Variants in KCNH5 observed in about 807,000 individuals in gnomAD.
KCNH5 encodes the protein potassium voltage-gated channel subfamily H member 5, also known as voltage-gated delayed rectifier potassium channel KCNH5.
In KCNH5, 46 loss-of-function variants were observed where a neutral mutation model predicts 96.1. That is an observed-to-expected ratio of 0.48 (90% CI 0.38 to 0.61). The LOEUF is 0.61. Ranked by LOEUF, KCNH5 falls within the 20% of genes least tolerant of loss-of-function variation. The pLI, the probability that KCNH5 is intolerant of heterozygous loss-of-function variation, is 0.00. For missense variants in KCNH5, 907 were observed against 1,225.8 expected (o/e 0.74, Z 3.88); for synonymous variants, 439 against 449.8 (o/e 0.98, Z 0.30).
intron 4 of KCNH5, among the ~76,000 whole-genome samples, chr14:62,990,755 G>A (rs981996758): frequency 1.3e-4 from 20 of 152,166 alleles, no homozygotes; most frequent in African/African-American, 4.6e-4. Flanking sequence ...AACTGCCTGA[G>A]ACTGGGTAAC....
At chr14:62,917,635 G>C (rs1889301119) in intron 7 of KCNH5, among the ~76,000 whole-genome samples, 1 of 152,100 alleles carries the variant, frequency 6.6e-6, no homozygotes. Flanking sequence ...GATGAGAGAA[G>C]AGTTCATTCA....
chr14:62,905,946 A>C (rs1249209641), intron 7 of KCNH5, among the ~76,000 whole-genome samples: 1 of 152,062 alleles, frequency 6.6e-6, no homozygotes, highest in East Asian at 1.9e-4. Context: ...GCTGTCTCCT[A>C]CTCCCCACCC....
intron 9 of KCNH5, among the ~76,000 whole-genome samples, chr14:62,794,943 G>T (rs1886508809): frequency 6.6e-6 from 1 of 152,012 alleles, no homozygotes; most frequent in Non-Finnish European, 1.5e-5. Flanking sequence ...TTCTTATTAT[G>T]GTCAACAAGC....
intron 9 of KCNH5, among the ~76,000 whole-genome samples, chr14:62,799,221 G>A (rs531652244): frequency 2.2e-4 from 33 of 152,114 alleles, no homozygotes; most frequent in African/African-American, 6.3e-4. Flanking sequence ...TAGATAAAAC[G>A]CATGAATGAT....
At chr14:63,019,193 AAG>A (rs1373271075) in intron 1 of KCNH5, among the ~76,000 whole-genome samples, 4 of 152,074 alleles carry the variant, frequency 2.6e-5, no homozygotes, top group African/African-American at 9.7e-5. Context: ...AGTAAACCAC[AAG>A]AGAGATAAAC....
chr14:62,941,341 C>G (rs970436516), intron 7 of KCNH5, among the ~76,000 whole-genome samples: 7 of 152,044 alleles, frequency 4.6e-5, no homozygotes. Flanking sequence ...AACATTCCTG[C>G]AAAAGACACA....
chr14:62,763,356 G>C lies in KCNH5; in HGVS notation c.2019+16372C>G, dbSNP rs180794596. On this transcript the variant is annotated intron_variant, in intron 10 of 10. Transcript: ENST00000322893. Reference sequence around the variant, plus strand: ...ATTCTTTGAAAGTAACAAAAAAAAAGAGACAATATACCCGAATCTCACGCC... The same window carrying C: ...ATTCTTTGAAAGTAACAAAAAAAAACAGACAATATACCCGAATCTCACGCC... Among the ~76,000 whole-genome samples, 73 of 151,890 alleles carry C rather than the reference G, an allele frequency of 4.8e-4. 1 individual carries two copies. The highest frequency in any genetic ancestry group is 4.7e-3 in the Admixed American group (71 of 15,240).
chr14:62,762,543 AT>A, intron 10 of KCNH5, among the ~76,000 whole-genome samples: 3 of 152,292 alleles, frequency 2.0e-5, no homozygotes, highest in Admixed American at 6.5e-5. Flanking sequence ...TGGTGCATGC[AT>A]GTGCAAACCT....
intron 10 of KCNH5, among the ~76,000 whole-genome samples, chr14:62,738,650 A>C (rs571315712): frequency 6.6e-6 from 1 of 152,274 alleles, no homozygotes; most frequent in South Asian, 2.1e-4. Context: ...AGATCCTACA[A>C]TCATACTTAG....
chr14:62,859,262 G>A (rs368679225), intron 7 of KCNH5, among the ~76,000 whole-genome samples: 4 of 152,162 alleles, frequency 2.6e-5, no homozygotes, highest in African/African-American at 9.7e-5. Context: ...CTCTGTTGCT[G>A]GCAAATTGGA....
chr14:62,883,675 G>A (rs983311351), intron 7 of KCNH5, among the ~76,000 whole-genome samples: 1 of 152,070 alleles, frequency 6.6e-6, no homozygotes, highest in Admixed American at 6.5e-5. Flanking sequence ...GGAGTAGAAT[G>A]ATGGGATAAT....
chr14:62,775,127 C>A (rs1050443364), intron 10 of KCNH5, among the ~76,000 whole-genome samples: 13 of 152,170 alleles, frequency 8.5e-5, no homozygotes, highest in African/African-American at 3.1e-4. Flanking sequence ...ATGAAAATAT[C>A]CATTAATATA....
chr14:62,850,812 G>C (rs1021045232), intron 7 of KCNH5, among the ~76,000 whole-genome samples: 1 of 152,058 alleles, frequency 6.6e-6, no homozygotes, highest in Non-Finnish European at 1.5e-5. Flanking sequence ...TTTTGAAAAG[G>C]GGGCAGTACT....
At chr14:62,843,575 C>T (rs567113896) in intron 8 of KCNH5, among the ~76,000 whole-genome samples, 1 of 152,124 alleles carries the variant, frequency 6.6e-6, no homozygotes, top group East Asian at 1.9e-4. Flanking sequence ...CCACGCCCAG[C>T]TAATTTTTGT....
At chr14:62,834,229 A>G (rs1295803591) in intron 8 of KCNH5, among the ~76,000 whole-genome samples, 1 of 151,806 alleles carries the variant, frequency 6.6e-6, no homozygotes, top group Non-Finnish European at 1.5e-5. Flanking sequence ...CTCGATCTTA[A>G]GCTCTTTTCC....
intron 1 of KCNH5, among the ~76,000 whole-genome samples, chr14:63,023,797 A>C (rs1240813072): frequency 6.6e-6 from 1 of 151,818 alleles, no homozygotes; most frequent in Non-Finnish European, 1.5e-5. Flanking sequence ...ACAAAGTTAT[A>C]AAGCTACAAA....
intron 8 of KCNH5, among the ~76,000 whole-genome samples, chr14:62,812,539 A>T (rs1886893607): frequency 6.6e-6 from 1 of 152,102 alleles, no homozygotes; most frequent in South Asian, 2.1e-4. Context: ...TCCCTCTATC[A>T]CTTTCATGCA....
At chr14:63,020,155 A>G (rs1268280267) in intron 1 of KCNH5, among the ~76,000 whole-genome samples, 3 of 152,108 alleles carry the variant, frequency 2.0e-5, no homozygotes, top group Non-Finnish European at 4.4e-5. Flanking sequence ...GTAGTTTTAA[A>G]GATTAGCAAT....
At chr14:62,847,801 C>A (rs1179314097) in intron 8 of KCNH5, among the ~76,000 whole-genome samples, 1 of 152,120 alleles carries the variant, frequency 6.6e-6, no homozygotes, top group Non-Finnish European at 1.5e-5. Context: ...TGCAAATGAA[C>A]AAGGAAACAA....
Sources: gnomAD v4.1 joint callset for allele counts (sites outside exome capture counted in the v4.1 genomes callset) on GRCh38, gnomAD v4.1.1 for gene constraint, MANE v1.5 for transcripts, NCBI Gene and HGNC (gene_info 2026-07-23, HGNC 2026-07-21) for gene names.